Variants in ZFYVE9 observed in about 807,000 individuals in gnomAD.
ZFYVE9 encodes the protein zinc finger FYVE-type containing 9, also known as zinc finger FYVE domain-containing protein 9.
ZFYVE9 carries 43 observed loss-of-function variants against 126.7 expected under a neutral mutation model. The observed-to-expected ratio is 0.34, with a 90% CI of 0.27 to 0.44. ZFYVE9 has a LOEUF of 0.44. Ranked by LOEUF, ZFYVE9 falls within the 20% of genes least tolerant of loss-of-function variation. The probability of loss-of-function intolerance (pLI) is 1.00; values close to 1 mark genes in which losing one functional copy is unlikely to be tolerated. For synonymous variants in ZFYVE9, 521 were observed against 597.4 expected, an observed-to-expected ratio of 0.87 and a Z score of 1.87; for missense variants, 1,476 against 1,697.0, an observed-to-expected ratio of 0.87 and a Z score of 2.29.
At chr1:52,275,866 C>T (rs1391767278) in intron 8 of ZFYVE9, among the ~76,000 whole-genome samples, 4 of 150,802 alleles carry the variant, frequency 2.7e-5, no homozygotes, top group Admixed American at 2.0e-4. Flanking sequence ...AATGGATTCC[C>T]AATGTCTTTA....
At chr1:52,272,359 T>C (rs1453187835) in intron 7 of ZFYVE9, among the ~76,000 whole-genome samples, 1 of 152,250 alleles carries the variant, frequency 6.6e-6, no homozygotes, top group Non-Finnish European at 1.5e-5. Flanking sequence ...GGGTTCCTTA[T>C]GCACTTTTTC....
intron 12 of ZFYVE9, among the ~76,000 whole-genome samples, chr1:52,296,548 ACT>A (rs773694765): frequency 4.0e-5 from 6 of 151,108 alleles, no homozygotes; most frequent in Admixed American, 6.6e-5. Context: ...ACAGGTTCTG[ACT>A]CTGTTGGCCA....
intron 2 of ZFYVE9, among the ~76,000 whole-genome samples, chr1:52,218,236 G>T (rs370256498): frequency 6.6e-6 from 1 of 152,106 alleles, no homozygotes. Flanking sequence ...CACTCCAGTT[G>T]CTTGGCAGTG....
intron 1 of ZFYVE9, among the ~76,000 whole-genome samples, chr1:52,169,440 CTCTT>C (rs566644368): frequency 7.0e-4 from 107 of 152,178 alleles, no homozygotes; most frequent in African/African-American, 2.1e-3. Flanking sequence ...ATTTTCCTCT[CTCTT>C]TATTTTTCAT....
chr1:52,161,183 C>T (rs1644454585), intron 1 of ZFYVE9, among the ~76,000 whole-genome samples: 1 of 152,122 alleles, frequency 6.6e-6, no homozygotes, highest in Non-Finnish European at 1.5e-5. Flanking sequence ...TATAGTTGCT[C>T]TAGGTAATAA....
At chr1:52,275,783 G>T (rs1329462566) in intron 8 of ZFYVE9, among the ~76,000 whole-genome samples, 1 of 150,888 alleles carries the variant, frequency 6.6e-6, no homozygotes, top group Admixed American at 6.6e-5. Flanking sequence ...CCTTCATTTT[G>T]TCTTCCACAC....
intron 1 of ZFYVE9, among the ~76,000 whole-genome samples, chr1:52,201,321 C>T (rs1463012344): frequency 2.0e-5 from 3 of 151,208 alleles, no homozygotes; most frequent in African/African-American, 7.3e-5. Flanking sequence ...TATATATTAA[C>T]CTTGTATCCT....
intron 2 of ZFYVE9, among the ~76,000 whole-genome samples, chr1:52,225,070 G>A (rs1057145985): frequency 1.3e-4 from 20 of 152,134 alleles, no homozygotes; most frequent in Admixed American, 9.8e-4. Context: ...ACCCAATGGC[G>A]TGTCTCACTC....
intron 1 of ZFYVE9, among the ~76,000 whole-genome samples, chr1:52,194,971 T>C (rs1644847184): frequency 6.6e-6 from 1 of 152,154 alleles, no homozygotes; most frequent in African/African-American, 2.4e-5. Flanking sequence ...AATGCTATGC[T>C]AAATAGCATG....
chr1:52,177,006 G>C (rs1341609610), intron 1 of ZFYVE9, among the ~76,000 whole-genome samples: 1 of 152,124 alleles, frequency 6.6e-6, no homozygotes, highest in African/African-American at 2.4e-5. Context: ...CCACTGTCCT[G>C]TGCCCACTCT....
intron 15 of ZFYVE9, among the ~76,000 whole-genome samples, chr1:52,336,359 G>GT (rs772004330): frequency 0.07 from 6,601 of 94,760 alleles, 905 homozygotes; most frequent in Admixed American, 0.09. Flanking sequence ...AATCTAAGAG[G>GT]TTTTTTTTGT....
At chr1:52,182,675 G>C (rs1054627770) in intron 1 of ZFYVE9, among the ~76,000 whole-genome samples, 19 of 152,062 alleles carry the variant, frequency 1.2e-4, no homozygotes, top group African/African-American at 3.9e-4. Flanking sequence ...TTAATCTGCT[G>C]ACCTTCCCTC....
intron 1 of ZFYVE9, among the ~76,000 whole-genome samples, chr1:52,213,868 A>G (rs892527778): frequency 1.3e-5 from 2 of 152,094 alleles, no homozygotes; most frequent in Non-Finnish European, 2.9e-5. Context: ...ACAGCACCTT[A>G]GAGAGATTTG....
chr1:52,320,322 G>A (rs924097622), intron 13 of ZFYVE9, among the ~76,000 whole-genome samples: 5 of 151,988 alleles, frequency 3.3e-5, no homozygotes, highest in African/African-American at 1.2e-4. Context: ...CACCTACCTC[G>A]GCCTCCCAAT....
intron 1 of ZFYVE9, among the ~76,000 whole-genome samples, chr1:52,168,556 A>C (rs1644535368): frequency 1.4e-5 from 2 of 145,994 alleles, no homozygotes; most frequent in Non-Finnish European, 1.5e-5. Context: ...CTTGCTCTGT[A>C]GCCCAGGCTG....
chr1:52,280,568 G>T (rs1454000409), intron 9 of ZFYVE9, among the ~76,000 whole-genome samples: 2 of 151,922 alleles, frequency 1.3e-5, no homozygotes, highest in African/African-American at 4.8e-5. Context: ...CAGTTCCTTT[G>T]GGGATCCCAT....
chr1:52,207,289 G>A (rs946522829), intron 1 of ZFYVE9, among the ~76,000 whole-genome samples: 3 of 152,162 alleles, frequency 2.0e-5, no homozygotes, highest in African/African-American at 7.2e-5. Flanking sequence ...TGCTGTTCTA[G>A]CGATTTCAAT....
rs866932190 is a variant in ZFYVE9 at position 52,142,554 on chromosome 1, C to T, written c.-143+151C>T. 1.4e-4 allele frequency among the ~76,000 whole-genome samples: 21 copies of T among 152,234 alleles called. No individual in the cohort carries two copies. The highest frequency in any genetic ancestry group is 4.8e-4 in the African/African-American group (20 of 41,574). On this transcript the variant is annotated intron_variant, in intron 1 of 18. Transcript: ENST00000287727. The surrounding 1 kb of genome is among the most constrained non-coding windows in gnomAD (Gnocchi z 4.5). Reference sequence around the variant, plus strand: ...TCCTGGGGCCTCAGCCCTTTCTCCCCGCGTCCCCCGGGAGGCTGAAGGCCG... The same window carrying T: ...TCCTGGGGCCTCAGCCCTTTCTCCCTGCGTCCCCCGGGAGGCTGAAGGCCG...
In ZFYVE9 at chr1:52,266,850, TTC is replaced by T. The variant is rs766221759; in HGVS notation, c.2455+27_2455+28del. On this transcript the variant is annotated intron_variant, in intron 6 of 18. Coordinates refer to ENST00000287727, the MANE Select transcript of ZFYVE9 (RefSeq NM_004799.4). ...GCAGAAGGTAGGGGATCATGTGCTA[TTC>T]TCTCTCTTTTTCCTCACGAAGTTCC... The T allele has an allele frequency of 7.3e-4, 1,131 of 1,552,832 alleles. 5 individuals are homozygous for T. Among genetic ancestry groups the T allele is most frequent in the South Asian group, 4.5e-3 (366 of 80,598 alleles).
Sources: gnomAD v4.1 joint callset for allele counts (sites outside exome capture counted in the v4.1 genomes callset) on GRCh38, gnomAD v4.1.1 for gene constraint, Gnocchi (gnomAD v3.1) non-coding constraint, MANE v1.5 for transcripts, NCBI Gene and HGNC (gene_info 2026-07-23, HGNC 2026-07-21) for gene names.